NELL1: variants seen among roughly 807,000 people sequenced by gnomAD.
NELL1 encodes the protein protein kinase C-binding protein NELL1.
NELL1 carries 76 observed loss-of-function variants against 107.4 expected under a neutral mutation model. The ratio of observed to expected loss-of-function variants is 0.71; its 90% CI spans 0.59 to 0.86. NELL1 has a LOEUF of 0.86. Ranked by LOEUF, NELL1 falls within the 40% of genes least tolerant of loss-of-function variation. NELL1 has a pLI of 0.00. For synonymous variants in NELL1, 353 were observed against 341.2 expected, an observed-to-expected ratio of 1.03 and a Z score of -0.38; for missense variants, 1,024 against 1,005.5, an observed-to-expected ratio of 1.02 and a Z score of -0.25.
At chr11:20,682,899 C>T (rs907673078) in intron 2 of NELL1, among the ~76,000 whole-genome samples, 2 of 152,010 alleles carry the variant, frequency 1.3e-5, no homozygotes, top group Non-Finnish European at 2.9e-5. Context: ...GAGATTTATA[C>T]ATATTGCAGC....
chr11:20,792,558 T>C (rs1003314212), intron 3 of NELL1, among the ~76,000 whole-genome samples: 1 of 151,984 alleles, frequency 6.6e-6, no homozygotes, highest in Non-Finnish European at 1.5e-5. Flanking sequence ...TACTGAAAGA[T>C]TAAAAAAGAA....
intron 14 of NELL1, among the ~76,000 whole-genome samples, chr11:21,310,695 T>C (rs1434242287): frequency 6.6e-6 from 1 of 151,956 alleles, no homozygotes; most frequent in Admixed American, 6.6e-5. Flanking sequence ...AGGATGCGAT[T>C]TGGAAAGATG....
At chr11:21,076,552 G>GA (rs761995130) in intron 12 of NELL1, among the ~76,000 whole-genome samples, 73 of 152,328 alleles carry the variant, frequency 4.8e-4, no homozygotes, top group Middle Eastern at 3.4e-3. Context: ...GGAGGTAAGA[G>GA]AATACGTTAT....
At chr11:21,117,399 A>G (rs1418579238) in intron 13 of NELL1, among the ~76,000 whole-genome samples, 2 of 151,996 alleles carry the variant, frequency 1.3e-5, no homozygotes, top group Non-Finnish European at 2.9e-5. Context: ...TTAGAACATT[A>G]CCTGGCACAA....
At chr11:21,418,153 C>T (rs1852566455) in intron 15 of NELL1, among the ~76,000 whole-genome samples, 1 of 151,992 alleles carries the variant, frequency 6.6e-6, no homozygotes, top group African/African-American at 2.4e-5. Flanking sequence ...TTATGTTATA[C>T]TCTGTGGGAT....
chr11:20,857,866 G>A (rs966711665), intron 4 of NELL1, among the ~76,000 whole-genome samples: 1 of 152,176 alleles, frequency 6.6e-6, no homozygotes, highest in Non-Finnish European at 1.5e-5. Flanking sequence ...GCCTATAGCG[G>A]TGCATGGAGC....
chr11:20,982,882 AT>A (rs1851776636), intron 12 of NELL1, among the ~76,000 whole-genome samples: 1 of 152,232 alleles, frequency 6.6e-6, no homozygotes, highest in Admixed American at 6.5e-5. Context: ...ATGGTTAATG[AT>A]TTGGGATCTT....
At chr11:21,240,715 C>T (rs1266441805) in intron 14 of NELL1, among the ~76,000 whole-genome samples, 1 of 130,574 alleles carries the variant, frequency 7.7e-6, no homozygotes, top group South Asian at 2.3e-4. Flanking sequence ...TGCACCTTGA[C>T]GTAGTCTTGT....
intron 15 of NELL1, among the ~76,000 whole-genome samples, chr11:21,409,181 C>T (rs1852307783): frequency 6.6e-6 from 1 of 152,030 alleles, no homozygotes; most frequent in South Asian, 2.1e-4. Flanking sequence ...GGAACCAACC[C>T]AAATGTCCAA....
In NELL1 at chr11:21,301,866, G is replaced by A. The variant is rs538809017; in HGVS notation, c.1550-68987G>A. 2.0e-5 allele frequency among the ~76,000 whole-genome samples: 3 copies of A among 152,116 alleles called. No homozygotes were observed. In the South Asian group the frequency reaches 6.2e-4, roughly 32 times the overall value. ...AAGGATTTGGGGGATATTTAATAAT[G>A]TAGCATTATTTCTTTTAATCCTCAC... On this transcript the variant is annotated intron_variant, in intron 14 of 19. Coordinates refer to ENST00000357134, the MANE Select transcript of NELL1 (RefSeq NM_006157.5).
At chr11:20,801,475 C>A (rs935728217) in intron 3 of NELL1, among the ~76,000 whole-genome samples, 2 of 152,128 alleles carry the variant, frequency 1.3e-5, no homozygotes, top group African/African-American at 4.8e-5. Flanking sequence ...TCTGGTTATT[C>A]ATCCTTTGTC....
At chr11:21,397,368 G>A (rs908313273) in intron 15 of NELL1, among the ~76,000 whole-genome samples, 8 of 151,410 alleles carry the variant, frequency 5.3e-5, no homozygotes, top group African/African-American at 1.9e-4. Flanking sequence ...AATTTAAAAA[G>A]TAGTATATTT....
At chr11:20,705,510 G>T (rs1008359060) in intron 2 of NELL1, among the ~76,000 whole-genome samples, 32 of 147,814 alleles carry the variant, frequency 2.2e-4, no homozygotes, top group African/African-American at 5.3e-4. Flanking sequence ...ATACAAAAAT[G>T]AATTTAAGAT....
chr11:21,124,592 C>T (rs891364882), intron 13 of NELL1, among the ~76,000 whole-genome samples: 1 of 149,758 alleles, frequency 6.7e-6, no homozygotes, highest in African/African-American at 2.5e-5. Flanking sequence ...AGGGCCTGTT[C>T]CTCACAGATG....
chr11:20,958,807 G>A (rs1184840602), intron 11 of NELL1, among the ~76,000 whole-genome samples: 1 of 152,142 alleles, frequency 6.6e-6, no homozygotes, highest in Non-Finnish European at 1.5e-5. Context: ...CAGGAAGCAT[G>A]TTTAAGAAGG....
intron 2 of NELL1, among the ~76,000 whole-genome samples, chr11:20,717,383 G>A (rs897471922): frequency 2.6e-5 from 4 of 152,108 alleles, no homozygotes. Context: ...AATACTCCAA[G>A]ATTTTCCCTG....
chr11:20,956,801 T>A (rs1001331492), intron 11 of NELL1, among the ~76,000 whole-genome samples: 9 of 152,220 alleles, frequency 5.9e-5, no homozygotes, highest in African/African-American at 2.2e-4. Flanking sequence ...ACACAGTATG[T>A]GATATAGCAT....
chr11:21,276,885 A>G (rs1300342110), intron 14 of NELL1, among the ~76,000 whole-genome samples: 1 of 152,080 alleles, frequency 6.6e-6, no homozygotes, highest in African/African-American at 2.4e-5. Context: ...TACATCTTAT[A>G]CAAAAATTAA....
chr11:20,855,620 A>T (rs1848868275), intron 4 of NELL1, among the ~76,000 whole-genome samples: 1 of 152,206 alleles, frequency 6.6e-6, no homozygotes. Context: ...ATATTTTCTG[A>T]TAGGAAAAAT....
Sources: allele counts gnomAD v4.1 joint callset (sites outside exome capture counted in the v4.1 genomes callset), GRCh38; gene constraint gnomAD v4.1.1; transcripts MANE v1.5; gene names NCBI Gene and HGNC (gene_info 2026-07-23, HGNC 2026-07-21).